PCDHGA5: variants seen among roughly 807,000 people sequenced by gnomAD.
The protein encoded by PCDHGA5 is protocadherin gamma subfamily A, 5.
A neutral mutation model predicts 56.7 loss-of-function variants in PCDHGA5; 36 were observed. The ratio of observed to expected loss-of-function variants is 0.64; its 90% confidence interval spans 0.49 to 0.84. The LOEUF is 0.84. Among genes scored for constraint, PCDHGA5 ranks in the 40% least tolerant of loss-of-function variants. The pLI is 0.00. For missense variants in PCDHGA5, 1,305 were observed against 1,201.5 expected (o/e 1.09, Z -1.27); for synonymous variants, 563 against 520.2 (o/e 1.08, Z -1.12).
chr5:141,408,398 C>A, intron 1 of PCDHGA5: 3 of 1,614,028 alleles, frequency 1.9e-6, no homozygotes, highest in Non-Finnish European at 2.5e-6. Context: ...GGCTCGCAAG[C>A]TGCGAGTGAG....
intron 1 of PCDHGA5, chr5:141,408,119 C>T (rs1271219465): frequency 6.8e-7 from 1 of 1,474,944 alleles, no homozygotes; most frequent in African/African-American, 1.4e-5. Flanking sequence ...CTCCTCCTGT[C>T]CTGGGCCGAA....
intron 1 of PCDHGA5, chr5:141,413,323 G>A (rs1221252167): frequency 2.5e-6 from 4 of 1,613,840 alleles, no homozygotes; most frequent in Non-Finnish European, 3.4e-6. Flanking sequence ...CTCTTTCGTG[G>A]GCAACATCTC....
Position 141,420,299 on chromosome 5 carries a change from T to A in PCDHGA5, c.2421+53548T>A, listed in dbSNP as rs377297222. On this transcript the variant is annotated intron_variant, in intron 1 of 3. Coordinates refer to ENST00000518069, the MANE Select transcript of PCDHGA5 (RefSeq NM_018918.3). Reference sequence around the variant, plus strand: ...GGTAAGTATTTAAAAATGTATTTAATCCTTTTTATATTACAATATGCCAAT... The same window carrying A: ...GGTAAGTATTTAAAAATGTATTTAAACCTTTTTATATTACAATATGCCAAT... 6.8e-6 allele frequency: 10 copies of A among 1,465,980 alleles called. No homozygotes were observed. The African/African-American group carries it at 1.4e-4, about 21-fold the overall frequency. 90.8% of individuals were successfully genotyped at this position (1,465,980 alleles called of 1,614,324 possible). A position where few individuals can be genotyped will look rare whatever the true frequency, so the allele number is the denominator to read the frequency against.
chr5:141,490,862 C>G lies in PCDHGA5; in HGVS notation c.2422-3945C>G. 1 of 1,613,878 alleles carries G rather than the reference C, an allele frequency of 6.2e-7. No homozygotes were observed. Among genetic ancestry groups the G allele is most frequent in the East Asian group, 2.2e-5 (1 of 44,874 alleles). ...GTGGTGGGGGTTCGAGACTCCGGCTCTCCCCCATTGCATGCCAACACATCT... is the reference window on the plus strand; with the variant it reads ...GTGGTGGGGGTTCGAGACTCCGGCTGTCCCCCATTGCATGCCAACACATCT... On this transcript the variant is annotated intron_variant, in intron 1 of 3. Coordinates refer to ENST00000518069, the MANE Select transcript of PCDHGA5 (RefSeq NM_018918.3). The surrounding 1 kb of genome is among the most constrained non-coding windows in gnomAD (Gnocchi z 5.4).
intron 1 of PCDHGA5, among the ~76,000 whole-genome samples, chr5:141,492,418 C>T (rs1428695013): frequency 2.0e-5 from 3 of 152,236 alleles, no homozygotes; most frequent in Admixed American, 1.3e-4. Flanking sequence ...CCGCTCCCTC[C>T]GCCGGGCTCA....
chr5:141,458,350 A>C (rs1259508706), intron 1 of PCDHGA5, among the ~76,000 whole-genome samples: 1 of 152,162 alleles, frequency 6.6e-6, no homozygotes, highest in East Asian at 1.9e-4. Flanking sequence ...GGAGAGTTTA[A>C]TAAGCAAGAA....
chr5:141,422,150 T>C (rs773805631), intron 1 of PCDHGA5: 23 of 1,577,056 alleles, frequency 1.5e-5, no homozygotes, highest in Non-Finnish European at 1.8e-5. Context: ...CGGGGGTCTC[T>C]GGATTTTGAA....
chr5:141,404,917 G>T (rs750464541), intron 1 of PCDHGA5: 6 of 1,613,652 alleles, frequency 3.7e-6, no homozygotes, highest in East Asian at 2.2e-5. Flanking sequence ...CCCCTCTCTC[G>T]GCCACTGTCA....
chr5:141,366,855 A>C, intron 1 of PCDHGA5, 104 bp downstream of exon 1: 3 of 1,456,922 alleles, frequency 2.1e-6, no homozygotes, highest in Non-Finnish European at 2.8e-6. Flanking sequence ...ATAGTGGAAC[A>C]TTATTTGCTG....
intron 1 of PCDHGA5, chr5:141,389,148 G>A (rs749167212): frequency 6.2e-7 from 1 of 1,613,996 alleles, no homozygotes. Context: ...AACCGTTACG[G>A]CAACAGATCG....
chr5:141,432,093 C>A lies in PCDHGA5; in HGVS notation c.2422-62714C>A. The A allele has an allele frequency of 1.2e-6, 2 of 1,614,170 alleles. No homozygotes were observed. Among genetic ancestry groups the A allele is most frequent in the Non-Finnish European group, 1.7e-6 (2 of 1,180,046 alleles). On this transcript the variant is annotated intron_variant, in intron 1 of 3. Coordinates refer to ENST00000518069, the MANE Select transcript of PCDHGA5 (RefSeq NM_018918.3). The surrounding 1 kb of genome is among the most constrained non-coding windows in gnomAD (Gnocchi z 6.0). ...CATATCTCGCTGAACGTGGCAGACA[C>A]CAACGACAACCCGCCGGTCTTCCCT...
chr5:141,375,955 C>A, intron 1 of PCDHGA5: 2 of 1,613,498 alleles, frequency 1.2e-6, no homozygotes, highest in Non-Finnish European at 1.7e-6. Flanking sequence ...TGCACACGGG[C>A]GAGGTGCGCA....
At position 141,400,101 on chromosome 5, in the gene PCDHGA5, G is replaced by A. The variant is rs778391200; in HGVS notation, c.2421+33350G>A. The A allele has an allele frequency of 8.1e-6, 13 of 1,613,948 alleles. No homozygotes were observed. The East Asian group carries it at 2.9e-4, about 36-fold the overall frequency. ...TCTCCGCCACCGCCACGCTGCACTT[G>A]GTCTTTGCTGACAGCTTGCAGGAGG... On this transcript the variant is annotated intron_variant, in intron 1 of 3. Coordinates refer to ENST00000518069, the MANE Select transcript of PCDHGA5 (RefSeq NM_018918.3).
intron 1 of PCDHGA5, chr5:141,394,967 C>T: frequency 6.2e-7 from 1 of 1,613,950 alleles, no homozygotes; most frequent in Non-Finnish European, 8.5e-7. Flanking sequence ...GGCTGAGGCG[C>T]TGGCACAAGT....
chr5:141,453,546 C>T lies in PCDHGA5; in HGVS notation c.2422-41261C>T, dbSNP rs116481133. Among the ~76,000 whole-genome samples, 695 of 152,296 alleles carry T rather than the reference C, an allele frequency of 4.6e-3. 4 individuals are homozygous for T. Among genetic ancestry groups the T allele is most frequent in the African/African-American group, 0.015 (634 of 41,558 alleles). On this transcript the variant is annotated intron_variant, in intron 1 of 3. Transcript: ENST00000518069. ...TACCTTCTGCCTCATTCACACCACA[C>T]TCTGTAGATAATCGATTTCATTAGT...
chr5:141,398,781 A>G, intron 1 of PCDHGA5: 1 of 1,613,934 alleles, frequency 6.2e-7, no homozygotes, highest in South Asian at 1.1e-5. Flanking sequence ...TGGACGGTGG[A>G]CATCCACCCC....
chr5:141,398,686 G>T (rs2093688431), intron 1 of PCDHGA5: 6 of 1,613,920 alleles, frequency 3.7e-6, no homozygotes, highest in Non-Finnish European at 5.1e-6. Context: ...GGAGAAACAG[G>T]ATGGTAGTAA....
chr5:141,507,609 A>G (rs2099862010), intron 3 of PCDHGA5, among the ~76,000 whole-genome samples: 1 of 152,260 alleles, frequency 6.6e-6, no homozygotes, highest in Non-Finnish European at 1.5e-5. Context: ...ATAAACAGGT[A>G]TATTTAGCTG....
At chr5:141,426,882 C>A (rs528411309) in intron 1 of PCDHGA5, 1 of 456,664 alleles carries the variant, frequency 2.2e-6, no homozygotes, top group African/African-American at 2.0e-5. Context: ...GCCCCTGGGC[C>A]AGGAGCAACA....
Sources: gnomAD v4.1 joint callset for allele counts (sites outside exome capture counted in the v4.1 genomes callset) on GRCh38, gnomAD v4.1.1 for gene constraint, Gnocchi (gnomAD v3.1) non-coding constraint, MANE v1.5 for transcripts, NCBI Gene and HGNC (gene_info 2026-07-23, HGNC 2026-07-21) for gene names.